The following COL25A1 variants were observed in gnomAD, a reference collection of about 807,000 sequenced individuals.
The protein encoded by COL25A1 is collagen alpha-1(XXV) chain.
In COL25A1, 103 loss-of-function variants were observed where a neutral mutation model predicts 128.4. The ratio of observed to expected loss-of-function variants is 0.80; its 90% CI spans 0.68 to 0.94. The LOEUF (loss-of-function observed/expected upper bound fraction) is 0.94, where lower values mean the gene tolerates loss of function less well. Ranked by LOEUF, COL25A1 falls within the 40% of genes least tolerant of loss-of-function variation. The probability of loss-of-function intolerance (pLI) is 0.00; values close to 1 mark genes in which losing one functional copy is unlikely to be tolerated. For missense variants in COL25A1, 745 were observed against 840.0 expected (o/e 0.89, Z 1.40); for synonymous variants, 279 against 277.2 (o/e 1.01, Z -0.06).
chr4:109,109,221 T>A (rs1311461200), intron 3 of COL25A1, among the ~76,000 whole-genome samples: 1 of 152,150 alleles, frequency 6.6e-6, no homozygotes, highest in Non-Finnish European at 1.5e-5. Flanking sequence ...TCCAAATAGC[T>A]GGGATTACAG....
chr4:108,938,052 A>G (rs1201745752), intron 10 of COL25A1, among the ~76,000 whole-genome samples: 2 of 152,232 alleles, frequency 1.3e-5, no homozygotes, highest in African/African-American at 4.8e-5. Context: ...AGTCTAGATT[A>G]TCATGTCTTC....
At chr4:108,832,708 C>T (rs1733285993) in intron 31 of COL25A1, 1 of 271,410 alleles carries the variant, frequency 3.7e-6, no homozygotes, top group African/African-American at 2.2e-5. Context: ...CTAAATAAAG[C>T]ATCACTGGCT....
At chr4:108,970,126 T>G (rs1056932482) in intron 8 of COL25A1, among the ~76,000 whole-genome samples, 1 of 152,164 alleles carries the variant, frequency 6.6e-6, no homozygotes, top group Non-Finnish European at 1.5e-5. Context: ...GGTCTCGAAC[T>G]CCTGATGTCA....
intron 6 of COL25A1, among the ~76,000 whole-genome samples, chr4:108,995,617 A>C (rs1754691121): frequency 6.6e-6 from 1 of 152,188 alleles, no homozygotes; most frequent in Non-Finnish European, 1.5e-5. Context: ...AAATAATTGA[A>C]CACCACAAAG....
chr4:109,200,731 C>T (rs1031479777), intron 3 of COL25A1, among the ~76,000 whole-genome samples: 1 of 152,130 alleles, frequency 6.6e-6, no homozygotes. Context: ...GGATTACAGG[C>T]GTGAGCCACT....
intron 3 of COL25A1, among the ~76,000 whole-genome samples, chr4:109,070,626 T>C (rs1341147389): frequency 6.6e-6 from 1 of 151,750 alleles, no homozygotes; most frequent in Non-Finnish European, 1.5e-5. Flanking sequence ...CATGTTGGTG[T>C]GCTGCACCCA....
chr4:108,857,284 C>T (rs1272806779), intron 24 of COL25A1, among the ~76,000 whole-genome samples: 2 of 151,898 alleles, frequency 1.3e-5, no homozygotes, highest in Non-Finnish European at 1.5e-5. Flanking sequence ...GTAGGCACAC[C>T]AAAACTTTGT....
intron 8 of COL25A1, among the ~76,000 whole-genome samples, chr4:108,962,847 T>C (rs923078475): frequency 1.1e-4 from 17 of 152,302 alleles, no homozygotes; most frequent in African/African-American, 4.1e-4. Context: ...TTTAACTGGC[T>C]TCTAAGAGAT....
intron 3 of COL25A1, among the ~76,000 whole-genome samples, chr4:109,278,234 T>C (rs954811299): frequency 6.6e-6 from 1 of 152,214 alleles, no homozygotes; most frequent in Non-Finnish European, 1.5e-5. Flanking sequence ...ATTTGATCTA[T>C]ATAATTTCAA....
chr4:109,000,713 T>C (rs1223480927), intron 6 of COL25A1, among the ~76,000 whole-genome samples: 2 of 118,318 alleles, frequency 1.7e-5, no homozygotes, highest in African/African-American at 6.7e-5. Flanking sequence ...GCCACTGCAC[T>C]CCAGCCTGGG....
chr4:109,198,716 A>G (rs138824576), intron 3 of COL25A1, among the ~76,000 whole-genome samples: 2 of 152,362 alleles, frequency 1.3e-5, no homozygotes, highest in African/African-American at 4.8e-5. Context: ...TTCAAAATCC[A>G]TAAAATTGCT....
chr4:109,010,359 T>C lies in COL25A1; in HGVS notation c.437A>G (p.Gln146Arg). ...ESGPPGQPGPQGPPGPKGDKG... is the reference protein window; with the variant it reads ...ESGPPGQPGPRGPPGPKGDKG... Reference sequence around the variant, plus strand: ...TTTGCTAGAAAAGAATTACCTTACCTGAGGACCAGGCTGTCCCTGAAATTA... The same window carrying C: ...TTTGCTAGAAAAGAATTACCTTACCCGAGGACCAGGCTGTCCCTGAAATTA... Residue 146 changes from glutamine (Q) to arginine (R), a missense_variant and splice_region_variant, in exon 6 of 38, where the codon CAG (glutamine) becomes CGG (arginine). Transcript: ENST00000399132. The C allele has an allele frequency of 6.3e-7, 1 of 1,580,936 alleles. No homozygotes were observed. Among genetic ancestry groups the C allele is most frequent in the Non-Finnish European group, 8.6e-7 (1 of 1,167,386 alleles).
In COL25A1 at chr4:108,834,431, C is replaced by T. The variant is rs1241571031; in HGVS notation, c.1657-1998G>A. ...GGTAGCAGGGTTGGTGGGTGTAACA[C>T]GAATGACAAGAACAGAGATTAGTAT... On this transcript the variant is annotated intron_variant, in intron 31 of 37. Transcript: ENST00000399132. 5.2e-6 allele frequency: 8 copies of T among 1,534,334 alleles called. No homozygotes were observed. In the African/African-American group the frequency reaches 6.9e-5, roughly 13 times the overall value.
chr4:109,119,999 C>T (rs1767972808), intron 3 of COL25A1, among the ~76,000 whole-genome samples: 1 of 151,994 alleles, frequency 6.6e-6, no homozygotes, highest in Admixed American at 6.6e-5. Flanking sequence ...TTCATTAAGG[C>T]AATCCATCAC....
chr4:109,092,410 A>G (rs1014300628), intron 3 of COL25A1, among the ~76,000 whole-genome samples: 1 of 152,188 alleles, frequency 6.6e-6, no homozygotes, highest in African/African-American at 2.4e-5. Context: ...GCTTGAGCCC[A>G]GGAGTCTGAG....
rs371538617 is a variant in COL25A1 at position 109,226,570 on chromosome 4, C to T, written c.367+74013G>A. On this transcript the variant is annotated intron_variant, in intron 3 of 37. Coordinates refer to ENST00000399132, the MANE Select transcript of COL25A1 (RefSeq NM_198721.4). Reference sequence around the variant, plus strand: ...CTTTGTTAGGGGTGCGGGCCATAATCCTGAGACACACAATCCTAAAAGACC... The same window carrying T: ...CTTTGTTAGGGGTGCGGGCCATAATTCTGAGACACACAATCCTAAAAGACC... Among the ~76,000 whole-genome samples the T allele has an allele frequency of 1.5e-3, 233 of 152,048 alleles. 1 individual carries two copies. The highest frequency in any genetic ancestry group is 6.8e-3 in the Middle Eastern group (2 of 294).
chr4:109,204,721 A>G (rs892489569), intron 3 of COL25A1, among the ~76,000 whole-genome samples: 14 of 152,288 alleles, frequency 9.2e-5, no homozygotes, highest in Middle Eastern at 6.8e-3. Flanking sequence ...CCTGCAAACG[A>G]AAACATTTTT....
At chr4:109,059,371 G>A (rs182294753) in intron 3 of COL25A1, among the ~76,000 whole-genome samples, 391 of 152,262 alleles carry the variant, frequency 2.6e-3, no homozygotes, top group Middle Eastern at 6.8e-3. Flanking sequence ...TAACAATTTG[G>A]TCACTTATTA....
intron 3 of COL25A1, among the ~76,000 whole-genome samples, chr4:109,089,612 TA>T (rs1323081193): frequency 2.6e-5 from 4 of 152,106 alleles, no homozygotes; most frequent in South Asian, 2.1e-4. Context: ...TTTTTAAAAA[TA>T]TTTTTTTTTT....
Sources: gnomAD v4.1 joint callset for allele counts (sites outside exome capture counted in the v4.1 genomes callset) on GRCh38, gnomAD v4.1.1 for gene constraint, MANE v1.5 for transcripts, NCBI Gene and HGNC (gene_info 2026-07-23, HGNC 2026-07-21) for gene names.